SHROOM3: variants seen among roughly 807,000 people sequenced by gnomAD.
The protein encoded by SHROOM3 is protein Shroom3.
Under a neutral mutation model 138.6 loss-of-function variants are expected in SHROOM3, and 47 were observed. That is an observed-to-expected ratio of 0.34 (90% CI 0.27 to 0.43). SHROOM3 has a LOEUF of 0.43. Ranked by LOEUF, SHROOM3 falls within the 20% of genes least tolerant of loss-of-function variation. SHROOM3 has a pLI of 1.00. For synonymous variants in SHROOM3, 1,062 were observed against 1,063.3 expected (o/e 1.00, Z 0.02); for missense variants, 2,491 against 2,596.5 (o/e 0.96, Z 0.88).
chr4:76,561,460 A>G (rs1476876772), intron 2 of SHROOM3, among the ~76,000 whole-genome samples: 1 of 152,128 alleles, frequency 6.6e-6, no homozygotes, highest in African/African-American at 2.4e-5. Flanking sequence ...GTGAGAATCT[A>G]GGTCTTAAGA....
chr4:76,715,056 A>G (rs2110119958), intron 3 of SHROOM3, among the ~76,000 whole-genome samples: 1 of 152,268 alleles, frequency 6.6e-6, no homozygotes, highest in South Asian at 2.1e-4. Context: ...TAAATGTTGA[A>G]GTGGGAGGTT....
intron 2 of SHROOM3, among the ~76,000 whole-genome samples, chr4:76,684,899 TGGC>T: frequency 6.6e-6 from 1 of 152,360 alleles, no homozygotes; most frequent in African/African-American, 2.4e-5. Context: ...GGGGTTGGCA[TGGC>T]CTTAAATGCA....
At chr4:76,577,594 T>C (rs1025049563) in intron 2 of SHROOM3, among the ~76,000 whole-genome samples, 2 of 152,232 alleles carry the variant, frequency 1.3e-5, no homozygotes, top group Admixed American at 6.5e-5. Flanking sequence ...TTATCAATCT[T>C]GTTAAAGGAT....
chr4:76,705,824 GC>G (rs1353327846), intron 2 of SHROOM3, among the ~76,000 whole-genome samples: 5 of 152,098 alleles, frequency 3.3e-5, no homozygotes, highest in African/African-American at 7.2e-5. Flanking sequence ...TGTTAGTTTT[GC>G]CAACAAGTTA....
chr4:76,667,842 C>T (rs1422497951), intron 2 of SHROOM3, among the ~76,000 whole-genome samples: 1 of 151,416 alleles, frequency 6.6e-6, no homozygotes, highest in Admixed American at 6.6e-5. Flanking sequence ...GTGGCGCCCG[C>T]CTGTAGTCCT....
chr4:76,483,311 AC>A (rs1263296775), intron 1 of SHROOM3, among the ~76,000 whole-genome samples: 2 of 152,212 alleles, frequency 1.3e-5, no homozygotes, highest in African/African-American at 4.8e-5. Context: ...TAAGAAAAAA[AC>A]AACCCCATCA....
chr4:76,531,026 G>A (rs372751010), intron 1 of SHROOM3, among the ~76,000 whole-genome samples: 2 of 152,170 alleles, frequency 1.3e-5, no homozygotes, highest in East Asian at 1.9e-4. Flanking sequence ...AATAATAATA[G>A]CAGTGCTGTT....
At chr4:76,702,354 A>G (rs905768465) in intron 2 of SHROOM3, among the ~76,000 whole-genome samples, 1 of 152,250 alleles carries the variant, frequency 6.6e-6, no homozygotes, top group African/African-American at 2.4e-5. Context: ...AGCACAAATA[A>G]TCTGGTACAT....
intron 2 of SHROOM3, among the ~76,000 whole-genome samples, chr4:76,596,583 C>CAT (rs761244422): frequency 2.3e-5 from 1 of 44,036 alleles, no homozygotes; most frequent in African/African-American, 1.5e-4. Context: ...TACAGAGAAA[C>CAT]ACACACACAC....
At chr4:76,465,489 C>A (rs1579172236) in intron 1 of SHROOM3, among the ~76,000 whole-genome samples, 1 of 152,198 alleles carries the variant, frequency 6.6e-6, no homozygotes, top group Non-Finnish European at 1.5e-5. Context: ...TTCCCATCAG[C>A]CTGGCCAAGA....
At position 76,639,643 on chromosome 4, in the gene SHROOM3, G is replaced by A. The variant is rs1735605733; in HGVS notation, c.324-70513G>A. The A allele has an allele frequency of 7.5e-6, 3 of 398,390 alleles. No individual in the cohort carries two copies. The East Asian group carries it at 1.1e-4, about 14-fold the overall frequency. The allele number at this position is 398,390 out of a possible 1,614,324, so 24.7% of individuals were successfully genotyped here. A position where few individuals can be genotyped will look rare whatever the true frequency, so the allele number is the denominator to read the frequency against. On this transcript the variant is annotated intron_variant, in intron 2 of 10. Transcript: ENST00000296043. ...AAAACTCAAGAAGACAACGAAACATGTAAGTGAGGGCTTCATGGGCCTGTG... is the reference window on the plus strand; with the variant it reads ...AAAACTCAAGAAGACAACGAAACATATAAGTGAGGGCTTCATGGGCCTGTG...
intron 2 of SHROOM3, among the ~76,000 whole-genome samples, chr4:76,646,225 A>AATAAATATATAT (rs61374645): frequency 0.065 from 6,219 of 95,974 alleles, 341 homozygotes; most frequent in South Asian, 0.084. Context: ...ATAATAAATA[A>AATAAATATATAT]ATATATATAT....
chr4:76,590,417 C>G (rs1288440830), intron 2 of SHROOM3, among the ~76,000 whole-genome samples: 3 of 151,930 alleles, frequency 2.0e-5, no homozygotes, highest in Non-Finnish European at 4.4e-5. Context: ...GAGTGGAGGC[C>G]GCAGAGCTCC....
At chr4:76,524,880 G>T (rs142915196) in intron 1 of SHROOM3, among the ~76,000 whole-genome samples, 2 of 152,214 alleles carry the variant, frequency 1.3e-5, no homozygotes, top group South Asian at 2.1e-4. Flanking sequence ...GCAGGCCAAA[G>T]GTAGGCATGC....
At chr4:76,773,952 G>A (rs1005686286) in intron 10 of SHROOM3, among the ~76,000 whole-genome samples, 2 of 152,166 alleles carry the variant, frequency 1.3e-5, no homozygotes, top group African/African-American at 4.8e-5. Flanking sequence ...AACTAACTTT[G>A]TGACTTACTC....
intron 1 of SHROOM3, among the ~76,000 whole-genome samples, chr4:76,502,825 A>G (rs1384883153): frequency 6.6e-6 from 1 of 152,234 alleles, no homozygotes; most frequent in Non-Finnish European, 1.5e-5. Context: ...GTGATGTGAG[A>G]TTAGAGTCCT....
rs980474859 is a variant in SHROOM3 at position 76,635,486 on chromosome 4, T to C, written c.324-74670T>C. Among the ~76,000 whole-genome samples the C allele has an allele frequency of 2.0e-5, 3 of 152,150 alleles. 1 individual carries two copies. Among genetic ancestry groups the C allele is most frequent in the African/African-American group, 7.2e-5 (3 of 41,424 alleles). On this transcript the variant is annotated intron_variant, in intron 2 of 10. Coordinates refer to ENST00000296043, the MANE Select transcript of SHROOM3 (RefSeq NM_020859.4). ...CTTGAGTTCCTAATGGTTGGGGTAT[T>C]TATTAAATAAGTACAGCCTGATGGA... is the stretch of plus-strand genomic sequence containing the variant.
chr4:76,450,012 G>C (rs1253121850), intron 1 of SHROOM3, among the ~76,000 whole-genome samples: 1 of 152,124 alleles, frequency 6.6e-6, no homozygotes, highest in East Asian at 1.9e-4. Flanking sequence ...AGCACAGGGA[G>C]GGGTATTTCA....
intron 2 of SHROOM3, among the ~76,000 whole-genome samples, chr4:76,608,561 A>ATAGCG (rs1734674805): frequency 6.9e-6 from 1 of 144,618 alleles, no homozygotes; most frequent in Non-Finnish European, 1.5e-5. Context: ...ATAGCATAGC[A>ATAGCG]TAGCATAGCA....
Sources: allele counts gnomAD v4.1 joint callset (sites outside exome capture counted in the v4.1 genomes callset), GRCh38; gene constraint gnomAD v4.1.1; transcripts MANE v1.5; gene names NCBI Gene and HGNC (gene_info 2026-07-23, HGNC 2026-07-21).